MACROD2: variants seen among roughly 807,000 people sequenced by gnomAD.
MACROD2 encodes the protein mono-ADP ribosylhydrolase 2.
Under a neutral mutation model 70.4 loss-of-function variants are expected in MACROD2, and 36 were observed. The observed-to-expected ratio is 0.51, with a 90% confidence interval of 0.39 to 0.68. The LOEUF (loss-of-function observed/expected upper bound fraction) is 0.68, where lower values mean the gene tolerates loss of function less well. Ranked by LOEUF, MACROD2 falls within the 30% of genes least tolerant of loss-of-function variation. MACROD2 has a pLI of 0.00. For synonymous variants in MACROD2, 172 were observed against 178.8 expected, an observed-to-expected ratio of 0.96 and a Z score of 0.30; for missense variants, 496 against 538.4, an observed-to-expected ratio of 0.92 and a Z score of 0.78.
At chr20:15,194,725 A>G (rs2076594007) in intron 5 of MACROD2, among the ~76,000 whole-genome samples, 1 of 152,170 alleles carries the variant, frequency 6.6e-6, no homozygotes, top group African/African-American at 2.4e-5. Context: ...GCTATTATCT[A>G]ACCTTTAGAT....
At chr20:15,976,686 G>A (rs2066311355) in intron 13 of MACROD2, among the ~76,000 whole-genome samples, 1 of 152,160 alleles carries the variant, frequency 6.6e-6, no homozygotes, top group Non-Finnish European at 1.5e-5. Flanking sequence ...CGTTTTCAAA[G>A]CTGGACACCT....
At chr20:15,667,641 G>A (rs1241589796) in intron 8 of MACROD2, among the ~76,000 whole-genome samples, 1 of 151,860 alleles carries the variant, frequency 6.6e-6, no homozygotes, top group Non-Finnish European at 1.5e-5. Flanking sequence ...CCCCAAAATG[G>A]ACAAAAATTA....
At chr20:15,294,984 C>T (rs995681881) in intron 6 of MACROD2, among the ~76,000 whole-genome samples, 1 of 152,118 alleles carries the variant, frequency 6.6e-6, no homozygotes, top group Non-Finnish European at 1.5e-5. Flanking sequence ...TGGCTGTGTC[C>T]CCACTGAAAT....
intron 5 of MACROD2, among the ~76,000 whole-genome samples, chr20:15,048,928 C>A (rs1663064696): frequency 6.6e-6 from 1 of 151,920 alleles, no homozygotes; most frequent in African/African-American, 2.4e-5. Context: ...GAACATTTTT[C>A]TCATTTTTTT....
At chr20:14,134,666 G>A (rs1219535248) in intron 3 of MACROD2, among the ~76,000 whole-genome samples, 1 of 151,984 alleles carries the variant, frequency 6.6e-6, no homozygotes, top group Non-Finnish European at 1.5e-5. Flanking sequence ...TTAGCTGGGC[G>A]TGGTGGCGCG....
chr20:15,292,592 C>T (rs184837963), intron 6 of MACROD2, among the ~76,000 whole-genome samples: 3 of 152,248 alleles, frequency 2.0e-5, no homozygotes, highest in South Asian at 2.1e-4. Context: ...ATAAAAGAAA[C>T]GTGGCTCAGA....
chr20:14,750,445 T>C (rs1464378457), intron 5 of MACROD2, among the ~76,000 whole-genome samples: 1 of 152,066 alleles, frequency 6.6e-6, no homozygotes, highest in East Asian at 1.9e-4. Context: ...TAACCAATTA[T>C]TACTATTTAT....
intron 7 of MACROD2, among the ~76,000 whole-genome samples, chr20:15,442,408 A>AT (rs1418372608): frequency 6.6e-6 from 1 of 152,012 alleles, no homozygotes; most frequent in Non-Finnish European, 1.5e-5. Context: ...CTTGTGGAGG[A>AT]TTTGTTCCAC....
At chr20:14,078,154 G>A (rs752914710) in intron 2 of MACROD2, among the ~76,000 whole-genome samples, 2 of 151,932 alleles carry the variant, frequency 1.3e-5, no homozygotes, top group Non-Finnish European at 2.9e-5. Context: ...CGCCTGCCTC[G>A]GCCTCCCAAA....
At chr20:14,554,333 A>G (rs182270009) in intron 4 of MACROD2, 2 of 152,260 alleles carry the variant, frequency 1.3e-5, no homozygotes, top group East Asian at 1.9e-4. Flanking sequence ...GAAAATTCTT[A>G]CAGAATGTGG....
At chr20:14,858,670 G>T (rs1192596855) in intron 5 of MACROD2, among the ~76,000 whole-genome samples, 1 of 152,096 alleles carries the variant, frequency 6.6e-6, no homozygotes, top group Non-Finnish European at 1.5e-5. Context: ...CCACTTGCCC[G>T]TGTGAATGCA....
chr20:15,801,130 T>C (rs1326883365), intron 8 of MACROD2, among the ~76,000 whole-genome samples: 2 of 148,594 alleles, frequency 1.3e-5, no homozygotes, highest in Non-Finnish European at 3.0e-5. Flanking sequence ...CCCTCCACTA[T>C]TGTCCTGTGA....
chr20:15,985,882 C>T (rs2066474898), intron 13 of MACROD2: 1 of 152,206 alleles, frequency 6.6e-6, no homozygotes, highest in African/African-American at 2.4e-5. Flanking sequence ...TCCCCAAATG[C>T]ACAATTTCTG....
chr20:15,150,678 T>TG (rs994579949), intron 5 of MACROD2, among the ~76,000 whole-genome samples: 7 of 150,916 alleles, frequency 4.6e-5, no homozygotes, highest in Admixed American at 4.0e-4. Context: ...TGGGTTAAGG[T>TG]GGGGGGATAC....
chr20:15,855,431 C>G (rs781361737), intron 8 of MACROD2, among the ~76,000 whole-genome samples: 9 of 152,124 alleles, frequency 5.9e-5, no homozygotes, highest in Non-Finnish European at 1.0e-4. Flanking sequence ...TTTAGGAGGT[C>G]AGCTTGTAAA....
At chr20:14,489,856 ACTT>A (rs1379329758) in intron 3 of MACROD2, among the ~76,000 whole-genome samples, 1 of 138,368 alleles carries the variant, frequency 7.2e-6, no homozygotes, top group African/African-American at 2.9e-5. Flanking sequence ...TATTTGAAAT[ACTT>A]CTTTTTTTTT....
In MACROD2 at chr20:14,170,554, AG is replaced by A. The variant is rs569924597; in HGVS notation, c.271+84829del. ...ATTTTGTTGAGGGTTTTCATCATAA[AG>A]GGATGCTGGATTTTGTCAGGTGCTT... On this transcript the variant is annotated intron_variant, in intron 3 of 17. Transcript: ENST00000684519. Among the ~76,000 whole-genome samples the A allele has an allele frequency of 2.8e-3, 425 of 152,312 alleles. 2 individuals carry two copies. The highest frequency in any genetic ancestry group is 9.6e-3 in the African/African-American group (399 of 41,576).
At chr20:14,750,147 T>C (rs1337881914) in intron 5 of MACROD2, among the ~76,000 whole-genome samples, 2 of 152,168 alleles carry the variant, frequency 1.3e-5, no homozygotes, top group Admixed American at 1.3e-4. Flanking sequence ...TTGCAAATTA[T>C]CCTTATTGTT....
chr20:14,546,326 T>A (rs1013690684), intron 4 of MACROD2, among the ~76,000 whole-genome samples: 7 of 152,180 alleles, frequency 4.6e-5, no homozygotes, highest in African/African-American at 1.7e-4. Context: ...TGTGGTTGAC[T>A]GGTATGTGCT....
Sources: gnomAD v4.1 joint callset for allele counts (sites outside exome capture counted in the v4.1 genomes callset) on GRCh38, gnomAD v4.1.1 for gene constraint, MANE v1.5 for transcripts, NCBI Gene and HGNC (gene_info 2026-07-23, HGNC 2026-07-21) for gene names.